The following TNS3 variants were observed in gnomAD, a reference collection of about 807,000 sequenced individuals.
The protein encoded by TNS3 is tensin-3.
Under a neutral mutation model 140.9 loss-of-function variants are expected in TNS3, and 45 were observed. That is an observed-to-expected ratio of 0.32 (90% confidence interval 0.25 to 0.41). TNS3 has a LOEUF of 0.41. Among genes scored for constraint, TNS3 ranks in the 10% least tolerant of loss-of-function variants. The pLI, the probability that TNS3 is intolerant of heterozygous loss-of-function variation, is 1.00. For missense variants in TNS3, 1,716 were observed against 1,906.7 expected, an observed-to-expected ratio of 0.90 and a Z score of 1.86; for synonymous variants, 815 against 788.4, an observed-to-expected ratio of 1.03 and a Z score of -0.56.
intron 1 of TNS3, among the ~76,000 whole-genome samples, chr7:47,544,656 T>C (rs1281310920): frequency 6.6e-6 from 1 of 151,888 alleles, no homozygotes; most frequent in Non-Finnish European, 1.5e-5. Context: ...CTGCCTGAGG[T>C]CGCAGAGCTA....
chr7:47,460,914 T>C (rs904349351), intron 4 of TNS3, among the ~76,000 whole-genome samples: 1 of 152,238 alleles, frequency 6.6e-6, no homozygotes, highest in Non-Finnish European at 1.5e-5. Context: ...AAGGAGGATG[T>C]GCTCTAAACC....
chr7:47,501,997 G>A (rs140784885), intron 3 of TNS3, among the ~76,000 whole-genome samples: 10 of 152,274 alleles, frequency 6.6e-5, no homozygotes, highest in South Asian at 4.2e-4. Flanking sequence ...GGCATAGTAG[G>A]TTCTGTAGGC....
rs1345321184 is a variant in TNS3 at position 47,289,793 on chromosome 7, A to G, written c.3928+2162T>C. Among the ~76,000 whole-genome samples, 4 of 152,232 alleles carry G rather than the reference A, an allele frequency of 2.6e-5. No individual in the cohort carries two copies. The East Asian group carries it at 7.7e-4, about 29-fold the overall frequency. ...CCATATTCATGGACAGCAGGACTCAACTTTTGCCAAGGTGTCAGTTCTTCC... is the reference window on the plus strand; with the variant it reads ...CCATATTCATGGACAGCAGGACTCAGCTTTTGCCAAGGTGTCAGTTCTTCC... On this transcript the variant is annotated intron_variant, in intron 27 of 30. Coordinates refer to ENST00000311160, the MANE Select transcript of TNS3 (RefSeq NM_022748.12).
At chr7:47,362,867 T>A (rs1418200936) in intron 17 of TNS3, among the ~76,000 whole-genome samples, 4 of 150,376 alleles carry the variant, frequency 2.7e-5, no homozygotes, top group Admixed American at 6.6e-5. Context: ...ATTACCACCA[T>A]CAACATCATC....
At chr7:47,380,634 G>A (rs1791696266) in intron 16 of TNS3, among the ~76,000 whole-genome samples, 1 of 152,096 alleles carries the variant, frequency 6.6e-6, no homozygotes, top group Non-Finnish European at 1.5e-5. Flanking sequence ...TTTTCCTCTG[G>A]AAGTCTTGGC....
chr7:47,297,350 G>T, intron 23 of TNS3, 137 bp from the exon 24 acceptor site: 1 of 1,058,974 alleles, frequency 9.4e-7, no homozygotes, highest in Non-Finnish European at 1.3e-6. Flanking sequence ...GGATCCCTCT[G>T]CTTGGCTGGA....
At chr7:47,392,634 G>A (rs1020183256) in intron 16 of TNS3, among the ~76,000 whole-genome samples, 2 of 152,222 alleles carry the variant, frequency 1.3e-5, no homozygotes, top group Admixed American at 1.3e-4. Context: ...GTGGGAATGC[G>A]GCTGGGACTC....
intron 2 of TNS3, among the ~76,000 whole-genome samples, chr7:47,528,086 C>A (rs1288049239): frequency 6.6e-6 from 1 of 152,138 alleles, no homozygotes; most frequent in Non-Finnish European, 1.5e-5. Context: ...CCAACACATT[C>A]TTCAGCACTG....
chr7:47,532,810 T>C (rs1042447226), intron 1 of TNS3, among the ~76,000 whole-genome samples: 1 of 152,114 alleles, frequency 6.6e-6, no homozygotes, highest in Admixed American at 6.5e-5. Flanking sequence ...GTGGATATAA[T>C]ATCACTTGAA....
At chr7:47,344,685 G>T in intron 20 of TNS3, 70 bp downstream of exon 20, 2 of 1,415,724 alleles carry the variant, frequency 1.4e-6, no homozygotes, top group Non-Finnish European at 9.8e-7. Flanking sequence ...GTTCTTCTCT[G>T]TAAAAATGGC....
chr7:47,288,666 T>C (rs1286192517), intron 27 of TNS3, among the ~76,000 whole-genome samples: 1 of 152,086 alleles, frequency 6.6e-6, no homozygotes. Context: ...AGGGACCCCC[T>C]AAAACAGATT....
intron 4 of TNS3, among the ~76,000 whole-genome samples, chr7:47,461,687 CA>C (rs1360413860): frequency 3.5e-4 from 53 of 152,368 alleles, no homozygotes; most frequent in African/African-American, 1.2e-3. Flanking sequence ...CGTCTGCTCC[CA>C]ACCCTGCAAA....
rs539119194 is a variant in TNS3 at position 47,470,703 on chromosome 7, G to A, written c.-76+10400C>T. 5.2e-6 allele frequency: 5 copies of A among 966,052 alleles called. No homozygotes were observed. In the African/African-American group the frequency reaches 7.0e-5, roughly 14 times the overall value. The allele number at this position is 966,052 out of a possible 1,614,324, so 59.8% of individuals were successfully genotyped here. A position where few individuals can be genotyped will look rare whatever the true frequency, so the allele number is the denominator to read the frequency against. ...TCCAGTGTCTGTGAGCCACACACCTGCAGCCCAGGCCTCCTAGCCGGAGTG... is the reference window on the plus strand; with the variant it reads ...TCCAGTGTCTGTGAGCCACACACCTACAGCCCAGGCCTCCTAGCCGGAGTG... On this transcript the variant is annotated intron_variant, in intron 4 of 30. Coordinates refer to ENST00000311160, the MANE Select transcript of TNS3 (RefSeq NM_022748.12).
At chr7:47,312,902 A>C (rs1787186896) in intron 20 of TNS3, among the ~76,000 whole-genome samples, 1 of 152,064 alleles carries the variant, frequency 6.6e-6, no homozygotes, top group Non-Finnish European at 1.5e-5. Context: ...AAAAATAAAA[A>C]TAAAAAATAA....
intron 2 of TNS3, among the ~76,000 whole-genome samples, chr7:47,527,530 C>T (rs1799242037): frequency 6.6e-6 from 1 of 152,198 alleles, no homozygotes; most frequent in African/African-American, 2.4e-5. Flanking sequence ...TGACATGGCC[C>T]TCCTGAACTG....
At chr7:47,548,738 C>A (rs1021884111) in intron 1 of TNS3, among the ~76,000 whole-genome samples, 1 of 152,082 alleles carries the variant, frequency 6.6e-6, no homozygotes, top group Admixed American at 6.6e-5. Context: ...ACCTGTCTGC[C>A]GGCTGATGGT....
At chr7:47,348,459 G>T (rs992664919) in intron 17 of TNS3, among the ~76,000 whole-genome samples, 4 of 152,170 alleles carry the variant, frequency 2.6e-5, no homozygotes, top group Non-Finnish European at 4.4e-5. Context: ...ATTTTCAAAG[G>T]GGAGGGAATA....
At chr7:47,327,508 C>T (rs948754715) in intron 20 of TNS3, among the ~76,000 whole-genome samples, 3 of 152,144 alleles carry the variant, frequency 2.0e-5, no homozygotes, top group Non-Finnish European at 2.9e-5. Flanking sequence ...GGGGTGGGGG[C>T]GGTGACAGCC....
chr7:47,331,332 T>G (rs1788330442), intron 20 of TNS3, among the ~76,000 whole-genome samples: 1 of 152,190 alleles, frequency 6.6e-6, no homozygotes, highest in South Asian at 2.1e-4. Flanking sequence ...TCCTGAGAAT[T>G]ACGTGCTGGC....
Sources: allele counts gnomAD v4.1 joint callset (sites outside exome capture counted in the v4.1 genomes callset), GRCh38; gene constraint gnomAD v4.1.1; transcripts MANE v1.5; gene names NCBI Gene and HGNC (gene_info 2026-07-23, HGNC 2026-07-21).